Variants in ZYG11B observed in about 807,000 individuals in gnomAD.
ZYG11B encodes zyg-11 family member B, cell cycle regulator.
A neutral mutation model predicts 82.4 loss-of-function variants in ZYG11B; 36 were observed. That is an observed-to-expected ratio of 0.44 (90% CI 0.33 to 0.58). ZYG11B has a LOEUF of 0.58. ZYG11B is among the 20% of genes least tolerant of loss of function. The probability of loss-of-function intolerance (pLI) is 0.02; values close to 1 mark genes in which losing one functional copy is unlikely to be tolerated. For missense variants in ZYG11B, 552 were observed against 895.6 expected (o/e 0.62, Z 4.90); for synonymous variants, 303 against 312.8 (o/e 0.97, Z 0.33).
At chr1:52,763,660 TACTTATCGGGGTCTGTGATTC>T (rs1376542543) in intron 2 of ZYG11B, among the ~76,000 whole-genome samples, 2 of 152,190 alleles carry the variant, frequency 1.3e-5, no homozygotes, top group African/African-American at 4.8e-5. Context: ...GTTAGAGTTC[TACTTATCGGGGTCTGTGATTC>T]TCTTGTCATA....
chr1:52,814,731 A>ACC, intron 12 of ZYG11B, among the ~76,000 whole-genome samples: 1 of 147,482 alleles, frequency 6.8e-6, no homozygotes, highest in East Asian at 2.0e-4. Flanking sequence ...ACACACACAC[A>ACC]CCTTTCAGAG....
chr1:52,751,353 AGCGCGGTG>A (rs1242073891), intron 1 of ZYG11B, among the ~76,000 whole-genome samples: 4 of 142,220 alleles, frequency 2.8e-5, no homozygotes, highest in Non-Finnish European at 6.1e-5. Context: ...AAAAATAGCC[AGCGCGGTG>A]GCTCACACCT....
intron 3 of ZYG11B, among the ~76,000 whole-genome samples, chr1:52,776,229 A>AAAAAAAAAAAATATATATAT: frequency 1.7e-4 from 4 of 23,532 alleles, no homozygotes; most frequent in African/African-American, 3.8e-4. Flanking sequence ...TAAAAAAAAA[A>AAAAAAAAAAAATATATATAT]ATATATATAT....
chr1:52,795,447 A>G (rs1644999476), intron 6 of ZYG11B, among the ~76,000 whole-genome samples: 1 of 151,646 alleles, frequency 6.6e-6, no homozygotes, highest in Non-Finnish European at 1.5e-5. Flanking sequence ...TAATAACTAG[A>G]CTCCATGTGA....
intron 10 of ZYG11B, among the ~76,000 whole-genome samples, chr1:52,803,099 C>CACACATATATAT (rs1558139992): frequency 9.3e-4 from 10 of 10,794 alleles, no homozygotes; most frequent in South Asian, 2.5e-3. Context: ...TATATATATA[C>CACACATATATAT]ATATATATAT....
chr1:52,739,212 C>G (rs1644403899), intron 1 of ZYG11B, among the ~76,000 whole-genome samples: 1 of 151,940 alleles, frequency 6.6e-6, no homozygotes, highest in Non-Finnish European at 1.5e-5. Flanking sequence ...GTCTTGAACT[C>G]TTGACCTCGG....
intron 3 of ZYG11B, among the ~76,000 whole-genome samples, chr1:52,776,229 A>AAAAAAAAAAAAAAAATATATATATAT: frequency 1.0e-3 from 24 of 23,510 alleles, no homozygotes; most frequent in African/African-American, 2.2e-3. Flanking sequence ...TAAAAAAAAA[A>AAAAAAAAAAAAAAAATATATATATAT]ATATATATAT....
At chr1:52,755,771 C>A (rs1021151768) in intron 1 of ZYG11B, among the ~76,000 whole-genome samples, 13 of 151,520 alleles carry the variant, frequency 8.6e-5, no homozygotes, top group African/African-American at 3.2e-4. Context: ...TCCCAAAGTG[C>A]TGGGATTACA....
At chr1:52,772,596 T>A in intron 3 of ZYG11B, 1 of 1,451,614 alleles carries the variant, frequency 6.9e-7, no homozygotes, top group Non-Finnish European at 9.7e-7. Context: ...GCTGCGTCGA[T>A]AGGGTAAAGC....
intron 1 of ZYG11B, among the ~76,000 whole-genome samples, chr1:52,730,612 A>G (rs930294072): frequency 6.6e-6 from 1 of 152,192 alleles, no homozygotes; most frequent in African/African-American, 2.4e-5. Context: ...TACAGGCACA[A>G]GCCACTGCAT....
intron 1 of ZYG11B, among the ~76,000 whole-genome samples, chr1:52,744,756 C>T (rs1397045825): frequency 6.6e-6 from 1 of 152,108 alleles, no homozygotes; most frequent in African/African-American, 2.4e-5. Flanking sequence ...GCAGGAGAAT[C>T]TCTTGAACCC....
At chr1:52,779,784 C>A in intron 3 of ZYG11B, 69 bp from the exon 4 acceptor site, 1 of 1,587,528 alleles carries the variant, frequency 6.3e-7, no homozygotes, top group Non-Finnish European at 8.6e-7. Context: ...GCCACCGCGC[C>A]TGGCCACACA....
chr1:52,768,715 TC>T lies in ZYG11B; in HGVS notation c.197-2302del, dbSNP rs374419133. On this transcript the variant is annotated intron_variant, in intron 2 of 13. Coordinates refer to ENST00000294353, the MANE Select transcript of ZYG11B (RefSeq NM_024646.3). ...GTTCGAGTGATTCTCTGCCTCAACC[TC>T]CCAAGTAGCTGGTATTACAGGCGCG... Among the ~76,000 whole-genome samples, 601 of 150,684 alleles carry T rather than the reference TC, an allele frequency of 4.0e-3. 2 individuals carry two copies. Among genetic ancestry groups the T allele is most frequent in the African/African-American group, 0.014 (576 of 41,102 alleles).
intron 10 of ZYG11B, among the ~76,000 whole-genome samples, chr1:52,806,692 A>G (rs1032314924): frequency 3.9e-5 from 6 of 151,908 alleles, no homozygotes; most frequent in African/African-American, 7.3e-5. Flanking sequence ...CTTTTAACCT[A>G]TATTTGTCTT....
At chr1:52,729,321 C>T (rs551347731) in intron 1 of ZYG11B, among the ~76,000 whole-genome samples, 2 of 86,030 alleles carry the variant, frequency 2.3e-5, no homozygotes, top group South Asian at 6.4e-4. Flanking sequence ...TTTAGGGAGA[C>T]AGAATTCAGA....
At chr1:52,778,907 T>C (rs572365524) in intron 3 of ZYG11B, among the ~76,000 whole-genome samples, 6 of 152,284 alleles carry the variant, frequency 3.9e-5, no homozygotes, top group Middle Eastern at 3.4e-3. Context: ...TGAATACTTA[T>C]GGAGAAAGTA....
At chr1:52,762,159 AG>A (rs1644637520) in intron 2 of ZYG11B, among the ~76,000 whole-genome samples, 1 of 149,706 alleles carries the variant, frequency 6.7e-6, no homozygotes, top group African/African-American at 2.4e-5. Flanking sequence ...GGTGTGCAGA[AG>A]CTTTTAGTTT....
intron 13 of ZYG11B, among the ~76,000 whole-genome samples, chr1:52,819,013 C>T (rs571602261): frequency 7.2e-5 from 11 of 152,158 alleles, no homozygotes; most frequent in African/African-American, 2.2e-4. Context: ...AGACTGGTCT[C>T]GAACTCACCC....
At chr1:52,743,045 TC>T (rs1184161190) in intron 1 of ZYG11B, among the ~76,000 whole-genome samples, 5 of 151,912 alleles carry the variant, frequency 3.3e-5, no homozygotes, top group Non-Finnish European at 5.9e-5. Context: ...CGCCACCCCA[TC>T]TGGGAGGTAT....
Sources: gnomAD v4.1 joint callset for allele counts (sites outside exome capture counted in the v4.1 genomes callset) on GRCh38, gnomAD v4.1.1 for gene constraint, MANE v1.5 for transcripts, NCBI Gene and HGNC (gene_info 2026-07-23, HGNC 2026-07-21) for gene names.